The following CCDC50 variants were observed in gnomAD, a reference collection of about 807,000 sequenced individuals.
The protein encoded by CCDC50 is coiled-coil domain containing 50.
In CCDC50, 54 loss-of-function variants were observed where a neutral mutation model predicts 70.2. The observed-to-expected ratio is 0.77, with a 90% confidence interval of 0.62 to 0.96. The LOEUF is 0.96. Ranked by LOEUF, CCDC50 falls within the 50% of genes least tolerant of loss-of-function variation. CCDC50 has a pLI of 0.00. For missense variants in CCDC50, 558 were observed against 578.7 expected, an observed-to-expected ratio of 0.96 and a Z score of 0.37; for synonymous variants, 216 against 198.8, an observed-to-expected ratio of 1.09 and a Z score of -0.73.
Position 191,332,179 on chromosome 3 carries a change from GAC to G in CCDC50, c.49+2458_49+2459del, listed in dbSNP as rs749733130. Among the ~76,000 whole-genome samples the G allele has an allele frequency of 1.4e-4, 22 of 152,308 alleles. No homozygotes were observed. The East Asian group carries it at 3.3e-3, about 23-fold the overall frequency. ...TCAATAGAGGTCGTGGGTAGCAGCT[GAC>G]ATTAGGGTAAGGGGATATTTAAAAA... On this transcript the variant is annotated intron_variant, in intron 1 of 11. Transcript: ENST00000392455.
intron 1 of CCDC50, among the ~76,000 whole-genome samples, chr3:191,346,328 A>G (rs1308751372): frequency 6.6e-6 from 1 of 152,224 alleles, no homozygotes; most frequent in Non-Finnish European, 1.5e-5. Flanking sequence ...AAAATATAGA[A>G]GTGTTTAAAA....
At chr3:191,353,478 A>G (rs1471622359) in intron 1 of CCDC50, among the ~76,000 whole-genome samples, 1 of 141,368 alleles carries the variant, frequency 7.1e-6, no homozygotes, top group Non-Finnish European at 1.6e-5. Context: ...TATGCCGTTT[A>G]TCCTCAGTAG....
chr3:191,337,498 C>T (rs1391067130), intron 1 of CCDC50, among the ~76,000 whole-genome samples: 1 of 151,972 alleles, frequency 6.6e-6, no homozygotes, highest in East Asian at 1.9e-4. Context: ...TTGCCCGCCA[C>T]TATGCCCAGC....
rs1326755485 is a variant in CCDC50, at chr3:191,353,554, C to CTT, written c.50-3533_50-3532insTT. 5.0e-5 allele frequency among the ~76,000 whole-genome samples: 7 copies of CTT among 141,378 alleles called. 2 individuals carry two copies. Among genetic ancestry groups the CTT allele is most frequent in the Admixed American group, 4.3e-4 (6 of 13,852 alleles). 92.7% of individuals were successfully genotyped at this position (141,378 alleles called of 152,430 possible). The stretch of plus-strand genomic sequence containing the variant: ...AAAGGAGAAAAGTTCTCTTCATGCT[C>CTT]TGAGCGTGGCCTGGCTGTGAAATAG... On this transcript the variant is annotated intron_variant, in intron 1 of 11. Coordinates refer to ENST00000392455, the MANE Select transcript of CCDC50 (RefSeq NM_178335.3).
intron 1 of CCDC50, among the ~76,000 whole-genome samples, chr3:191,355,846 T>C (rs527982893): frequency 6.6e-6 from 1 of 152,302 alleles, no homozygotes; most frequent in Admixed American, 6.5e-5. Flanking sequence ...ATTCCTCCAT[T>C]ATAAAACCAT....
chr3:191,383,589 C>T (rs568169146), intron 10 of CCDC50, among the ~76,000 whole-genome samples: 19 of 152,216 alleles, frequency 1.2e-4, no homozygotes, highest in South Asian at 4.1e-4. Context: ...TGAAACATAA[C>T]GCTTATTTCA....
rs1434506494 is a variant in CCDC50 at position 191,339,170 on chromosome 3, T to C, written c.49+9447T>C. On this transcript the variant is annotated intron_variant, in intron 1 of 11. Transcript: ENST00000392455. ...GATTGCAAACTTGTCATGGTTTATA[T>C]TGAAAAGAGGAGAGAGCATGAGCAA... 3.9e-5 allele frequency among the ~76,000 whole-genome samples: 6 copies of C among 152,304 alleles called. No individual in the cohort carries two copies. The East Asian group carries it at 7.7e-4, about 20-fold the overall frequency.
chr3:191,336,556 G>A (rs1381059173), intron 1 of CCDC50, among the ~76,000 whole-genome samples: 4 of 151,792 alleles, frequency 2.6e-5, no homozygotes, highest in African/African-American at 9.7e-5. Flanking sequence ...TACATATTCT[G>A]GATACAGTTC....
At chr3:191,385,404 A>T (rs985421024) in intron 10 of CCDC50, among the ~76,000 whole-genome samples, 1 of 152,054 alleles carries the variant, frequency 6.6e-6, no homozygotes, top group African/African-American at 2.4e-5. Context: ...TGCGTCTCTG[A>T]TAATTAGTTA....
At chr3:191,336,579 C>G (rs747494061) in intron 1 of CCDC50, among the ~76,000 whole-genome samples, 7 of 152,116 alleles carry the variant, frequency 4.6e-5, no homozygotes, top group African/African-American at 9.7e-5. Flanking sequence ...ACTAGATACA[C>G]AGTTTGCCCA....
rs74405890 is a variant in CCDC50 at position 191,331,727 on chromosome 3, A to G, written c.49+2004A>G. Among the ~76,000 whole-genome samples the G allele has an allele frequency of 6.0e-3, 916 of 152,298 alleles. 10 individuals carry two copies. Among genetic ancestry groups the G allele is most frequent in the African/African-American group, 0.022 (898 of 41,564 alleles). On this transcript the variant is annotated intron_variant, in intron 1 of 11. Transcript: ENST00000392455. The stretch of plus-strand genomic sequence containing the variant: ...GAAGTTTTTGATCTGAGAAGTATTC[A>G]AGTCTAATAAAGTGTATCCTTCCCT...
rs1031832313 is a variant in CCDC50 at position 191,382,756 on chromosome 3, C to G, written c.1253C>G (p.Ala418Gly). The G allele has an allele frequency of 1.2e-6, 2 of 1,611,358 alleles. No individual in the cohort carries two copies. Among genetic ancestry groups the G allele is most frequent in the African/African-American group, 2.7e-5 (2 of 74,870 alleles). Residue 418 changes from alanine to glycine, a missense_variant, in exon 10 of 12, where the codon GCT (alanine) becomes GGT (glycine). Ala to Gly is a moderately conservative substitution (Grantham distance 60). Transcript: ENST00000392455. ...KQDPEWKPKT[A>G]KAANSKSKES... ...TATTTTTGTCCATAGCCAAAAACAG[C>G]TAAAGCAGCAAATTCCAAGTCAAAA...
intron 4 of CCDC50, among the ~76,000 whole-genome samples, chr3:191,362,287 T>C (rs1377008189): frequency 1.3e-5 from 2 of 152,062 alleles, no homozygotes; most frequent in Admixed American, 1.3e-4. Flanking sequence ...TTGGCTAATA[T>C]TTAAACATTT....
At chr3:191,368,086 T>C (rs1712762233) in intron 4 of CCDC50, among the ~76,000 whole-genome samples, 1 of 152,004 alleles carries the variant, frequency 6.6e-6, no homozygotes, top group South Asian at 2.1e-4. Flanking sequence ...AAACTTTCTA[T>C]TGTACAGATA....
chr3:191,365,360 A>G (rs1322426213), intron 4 of CCDC50, among the ~76,000 whole-genome samples: 2 of 152,018 alleles, frequency 1.3e-5, no homozygotes, highest in Non-Finnish European at 2.9e-5. Context: ...ATGTTCTAAA[A>G]GAATATTTAC....
intron 1 of CCDC50, among the ~76,000 whole-genome samples, chr3:191,337,125 G>A (rs1035016319): frequency 2.0e-5 from 3 of 151,580 alleles, no homozygotes; most frequent in Non-Finnish European, 2.9e-5. Context: ...CAGAGACCAC[G>A]TGATTGGCAA....
chr3:191,335,989 AT>A (rs1711514801), intron 1 of CCDC50, among the ~76,000 whole-genome samples: 1 of 151,800 alleles, frequency 6.6e-6, no homozygotes, highest in African/African-American at 2.4e-5. Flanking sequence ...CTTGTCAAAA[AT>A]CTTATATAAA....
intron 1 of CCDC50, among the ~76,000 whole-genome samples, chr3:191,346,011 G>A (rs1711908816): frequency 6.6e-6 from 1 of 152,218 alleles, no homozygotes; most frequent in Non-Finnish European, 1.5e-5. Flanking sequence ...TTGCAGTAAA[G>A]AGCTGGTATA....
chr3:191,346,684 A>C (rs1167167433), intron 1 of CCDC50, among the ~76,000 whole-genome samples: 1 of 152,208 alleles, frequency 6.6e-6, no homozygotes, highest in Non-Finnish European at 1.5e-5. Context: ...CCAGTGGATA[A>C]TCACTATAGG....
Sources: gnomAD v4.1 joint callset for allele counts (sites outside exome capture counted in the v4.1 genomes callset) on GRCh38, gnomAD v4.1.1 for gene constraint, MANE v1.5 for transcripts, NCBI Gene and HGNC (gene_info 2026-07-23, HGNC 2026-07-21) for gene names.